NIM1K: variants seen among roughly 807,000 people sequenced by gnomAD.
NIM1K encodes serine/threonine-protein kinase NIM1.
In NIM1K, 35 loss-of-function variants were observed where a neutral mutation model predicts 37.1. That is an observed-to-expected ratio of 0.94 (90% CI 0.72 to 1.25). NIM1K has a LOEUF of 1.25. NIM1K is among the 50% of genes most tolerant of loss of function. The probability of loss-of-function intolerance (pLI) is 0.00; values close to 1 mark genes in which losing one functional copy is unlikely to be tolerated. For synonymous variants in NIM1K, 234 were observed against 206.6 expected (o/e 1.13, Z -1.14); for missense variants, 564 against 548.0 (o/e 1.03, Z -0.29).
chr5:43,277,301 G>C lies in NIM1K; in HGVS notation c.537G>C (p.Gln179His). The C allele has an allele frequency of 1.2e-6, 2 of 1,614,072 alleles. No individual in the cohort carries two copies. Among genetic ancestry groups the C allele is most frequent in the Non-Finnish European group, 1.7e-6 (2 of 1,179,992 alleles). ...SEPESKLIFS[Q>H]IVSAVKHMHE... ...CAGAAAGCAAGCTCATCTTCTCCCA[G>C]ATTGTGTCTGCCGTGAAGCACATGG... Residue 179 changes from glutamine (Q) to histidine (H), a missense_variant, in exon 3 of 4, where the codon CAG becomes CAC. Coordinates refer to ENST00000326035, the MANE Select transcript of NIM1K (RefSeq NM_153361.4).
chr5:43,226,566 G>T (rs1264233213), intron 1 of NIM1K, among the ~76,000 whole-genome samples: 2 of 152,182 alleles, frequency 1.3e-5, no homozygotes, highest in South Asian at 2.1e-4. Context: ...CAGAAGTTTA[G>T]TTCTCATACT....
At chr5:43,269,950 G>A (rs1753230727) in intron 2 of NIM1K, among the ~76,000 whole-genome samples, 1 of 152,096 alleles carries the variant, frequency 6.6e-6, no homozygotes. Context: ...TAGGCCCTGT[G>A]AGTTTTATGC....
At chr5:43,195,994 A>G (rs1409816451) in intron 1 of NIM1K, among the ~76,000 whole-genome samples, 1 of 152,210 alleles carries the variant, frequency 6.6e-6, no homozygotes, top group Non-Finnish European at 1.5e-5. Context: ...ATGGTTTTCC[A>G]GAAAGCAGTC....
chr5:43,253,721 G>A (rs1451421823), intron 2 of NIM1K, among the ~76,000 whole-genome samples: 1 of 151,316 alleles, frequency 6.6e-6, no homozygotes, highest in Non-Finnish European at 1.5e-5. Flanking sequence ...GTACAATGGT[G>A]TGATCTCTGT....
chr5:43,247,236 A>G (rs1752790299), intron 2 of NIM1K, among the ~76,000 whole-genome samples: 1 of 152,158 alleles, frequency 6.6e-6, no homozygotes, highest in Non-Finnish European at 1.5e-5. Context: ...ATCTGGGTTC[A>G]TGTCTTCACA....
At chr5:43,210,157 A>G (rs78912784) in intron 1 of NIM1K, among the ~76,000 whole-genome samples, 3,443 of 149,718 alleles carry the variant, frequency 0.023, 143 homozygotes, top group East Asian at 0.16. Context: ...GAAGAGAACC[A>G]GAGGGGAGGG....
chr5:43,241,196 G>C (rs1752697069), intron 1 of NIM1K, among the ~76,000 whole-genome samples: 2 of 151,832 alleles, frequency 1.3e-5, no homozygotes, highest in Admixed American at 1.3e-4. Flanking sequence ...TAGTTTATGG[G>C]TATTTCTTTA....
At chr5:43,274,847 C>T (rs534517506) in intron 2 of NIM1K, among the ~76,000 whole-genome samples, 2 of 152,186 alleles carry the variant, frequency 1.3e-5, no homozygotes, top group South Asian at 2.1e-4. Context: ...TTTAATAGTC[C>T]CAGTGCTAAA....
intron 1 of NIM1K, among the ~76,000 whole-genome samples, chr5:43,194,449 T>C (rs1751881384): frequency 6.6e-6 from 1 of 152,180 alleles, no homozygotes. Flanking sequence ...GGATTGGATA[T>C]TTGGTTTGAG....
intron 2 of NIM1K, among the ~76,000 whole-genome samples, chr5:43,252,233 G>A (rs1752876441): frequency 6.6e-6 from 1 of 152,184 alleles, no homozygotes. Flanking sequence ...GTCCCCATGA[G>A]TTTCAGAGAG....
chr5:43,224,169 G>C (rs1579965005), intron 1 of NIM1K, among the ~76,000 whole-genome samples: 1 of 151,704 alleles, frequency 6.6e-6, no homozygotes, highest in African/African-American at 2.4e-5. Context: ...CTCCCTGAGA[G>C]CTGGGATTAC....
At chr5:43,249,883 C>T (rs1359597238) in intron 2 of NIM1K, among the ~76,000 whole-genome samples, 17 of 122,200 alleles carry the variant, frequency 1.4e-4, no homozygotes, top group African/African-American at 4.0e-4. Flanking sequence ...GATGGAGTCT[C>T]GCTCTGTTGC....
intron 2 of NIM1K, among the ~76,000 whole-genome samples, chr5:43,254,101 G>T (rs1459784450): frequency 6.6e-6 from 1 of 152,218 alleles, no homozygotes; most frequent in Non-Finnish European, 1.5e-5. Context: ...GATGGATGAT[G>T]TTGTTCATCT....
At chr5:43,255,447 T>C (rs1308304487) in intron 2 of NIM1K, among the ~76,000 whole-genome samples, 2 of 152,048 alleles carry the variant, frequency 1.3e-5, no homozygotes, top group Non-Finnish European at 2.9e-5. Context: ...TATGTAGCGA[T>C]AAGTGATAAG....
chr5:43,230,026 T>A (rs904047178), intron 1 of NIM1K, among the ~76,000 whole-genome samples: 1 of 151,984 alleles, frequency 6.6e-6, no homozygotes, highest in African/African-American at 2.4e-5. Flanking sequence ...CAATTACATA[T>A]AAATTTCAAG....
intron 2 of NIM1K, among the ~76,000 whole-genome samples, chr5:43,250,797 G>A (rs757883855): frequency 1.3e-5 from 2 of 152,204 alleles, no homozygotes; most frequent in Non-Finnish European, 2.9e-5. Flanking sequence ...CTGAGCAAAG[G>A]CTACTGCATA....
chr5:43,253,485 A>G (rs1169529637), intron 2 of NIM1K, among the ~76,000 whole-genome samples: 1 of 152,006 alleles, frequency 6.6e-6, no homozygotes, highest in East Asian at 1.9e-4. Context: ...TATAAAGTAC[A>G]TGGAAGCATG....
intron 1 of NIM1K, among the ~76,000 whole-genome samples, chr5:43,196,409 A>G (rs1047622527): frequency 1.3e-5 from 2 of 152,078 alleles, no homozygotes; most frequent in South Asian, 2.1e-4. Flanking sequence ...TGGGTGGATC[A>G]TGAGGTCAGG....
At chr5:43,194,476 T>C (rs574191006) in intron 1 of NIM1K, among the ~76,000 whole-genome samples, 79 of 152,346 alleles carry the variant, frequency 5.2e-4, no homozygotes, top group African/African-American at 1.3e-3. Flanking sequence ...GCTTTTTTTC[T>C]AACTACATTT....
Sources: allele counts gnomAD v4.1 joint callset (sites outside exome capture counted in the v4.1 genomes callset), GRCh38; gene constraint gnomAD v4.1.1; transcripts MANE v1.5; gene names NCBI Gene and HGNC (gene_info 2026-07-23, HGNC 2026-07-21).